CARF: variants seen among roughly 807,000 people sequenced by gnomAD.
CARF encodes the protein calcium responsive transcription factor, also known as calcium-responsive transcription factor.
In CARF, 57 loss-of-function variants were observed where a neutral mutation model predicts 82.0. That is an observed-to-expected ratio of 0.70 (90% CI 0.56 to 0.87). The LOEUF is 0.87. Ranked by LOEUF, CARF falls within the 40% of genes least tolerant of loss-of-function variation. The pLI is 0.00. For synonymous variants in CARF, 268 were observed against 290.1 expected (o/e 0.92, Z 0.77); for missense variants, 771 against 855.8 (o/e 0.90, Z 1.24).
At chr2:202,968,082 T>C (rs971157388) in intron 10 of CARF, among the ~76,000 whole-genome samples, 1 of 152,182 alleles carries the variant, frequency 6.6e-6, no homozygotes, top group Non-Finnish European at 1.5e-5. Context: ...TGAAACACTT[T>C]TAGCATCACA....
intron 3 of CARF, among the ~76,000 whole-genome samples, chr2:202,938,012 T>A (rs1268366209): frequency 2.6e-5 from 4 of 152,128 alleles, no homozygotes; most frequent in African/African-American, 7.2e-5. Context: ...TGACATGCAA[T>A]GTATAATAAT....
intron 1 of CARF, among the ~76,000 whole-genome samples, chr2:202,917,072 G>A (rs1574448498): frequency 1.3e-5 from 2 of 151,376 alleles, no homozygotes; most frequent in East Asian, 3.9e-4. Context: ...TTAGCCGGGC[G>A]TAGTGGCGGG....
At chr2:202,949,438 G>T (rs550631860) in intron 5 of CARF, among the ~76,000 whole-genome samples, 43 of 151,718 alleles carry the variant, frequency 2.8e-4, no homozygotes, top group Non-Finnish European at 5.3e-4. Context: ...CTACAGGGGT[G>T]TGCCACTGCC....
chr2:202,981,743 C>G, intron 15 of CARF, 58 bp downstream of exon 15: 6 of 1,416,256 alleles, frequency 4.2e-6, no homozygotes, highest in Non-Finnish European at 5.9e-6. Context: ...CTCCATTTAC[C>G]TCTTCTTCTC....
intron 3 of CARF, 109 bp from the exon 4 acceptor site, chr2:202,941,751 C>A: frequency 2.0e-6 from 1 of 505,270 alleles, no homozygotes; most frequent in Non-Finnish European, 3.6e-6. Flanking sequence ...TTGATTTTAC[C>A]TAAATTATAT....
At chr2:202,936,524 A>AT (rs1165546865) in intron 3 of CARF, among the ~76,000 whole-genome samples, 1 of 152,186 alleles carries the variant, frequency 6.6e-6, no homozygotes, top group Non-Finnish European at 1.5e-5. Context: ...GAATCATATA[A>AT]TATGTGACCT....
chr2:202,948,611 G>T (rs1273873913), intron 5 of CARF, among the ~76,000 whole-genome samples: 1 of 152,038 alleles, frequency 6.6e-6, no homozygotes, highest in Middle Eastern at 3.2e-3. Context: ...TCTGGCAATT[G>T]TGAATAGGAT....
At chr2:202,941,319 T>G (rs1242239001) in intron 3 of CARF, among the ~76,000 whole-genome samples, 2 of 152,024 alleles carry the variant, frequency 1.3e-5, no homozygotes, top group African/African-American at 4.8e-5. Flanking sequence ...TGGCTCGGAG[T>G]TATTGGTATA....
chr2:202,942,615 G>T, intron 4 of CARF, 125 bp from the exon 5 acceptor site: 2 of 1,006,418 alleles, frequency 2.0e-6, no homozygotes, highest in Admixed American at 3.3e-5. Flanking sequence ...AGCAATTTGT[G>T]TGAATTGACA....
chr2:202,974,999 G>T (rs1482538269), intron 13 of CARF, among the ~76,000 whole-genome samples: 1 of 152,006 alleles, frequency 6.6e-6, no homozygotes, highest in Non-Finnish European at 1.5e-5. Context: ...AGAAAAATCA[G>T]TGAATTCCCA....
At chr2:202,940,056 CAA>C (rs1388278184) in intron 3 of CARF, among the ~76,000 whole-genome samples, 8 of 151,846 alleles carry the variant, frequency 5.3e-5, no homozygotes, top group Non-Finnish European at 1.2e-4. Context: ...TGTTTTGAGA[CAA>C]AGTCTTGCTC....
At chr2:202,917,161 A>C (rs1689848962) in intron 1 of CARF, among the ~76,000 whole-genome samples, 1 of 131,450 alleles carries the variant, frequency 7.6e-6, no homozygotes, top group Admixed American at 9.0e-5. Context: ...CAGTGAGCCG[A>C]GATCCCGCCA....
At chr2:202,951,506 G>A (rs1204185394) in intron 5 of CARF, among the ~76,000 whole-genome samples, 2 of 152,088 alleles carry the variant, frequency 1.3e-5, no homozygotes, top group Non-Finnish European at 2.9e-5. Flanking sequence ...TTTATGTGGT[G>A]CTGATGGAAG....
chr2:202,917,878 GA>G lies in CARF; in HGVS notation c.-324del. The G allele has an allele frequency of 3.7e-6, 1 of 272,534 alleles. No homozygotes were observed. Among genetic ancestry groups the G allele is most frequent in the Non-Finnish European group, 7.4e-6 (1 of 136,036 alleles). 16.9% of individuals were successfully genotyped at this position (272,534 alleles called of 1,614,324 possible). On this transcript the variant is annotated splice_region_variant and 5_prime_UTR_variant, in exon 2 of 17. In the 5' UTR this introduces an upstream ATG that the reference lacks. Transcript: ENST00000438828. ...ACATTAAATACCTTCTCATTACAGAGAAAATGCTGCTGTGAAGACCCAATTA... is the reference window on the plus strand; with the variant it reads ...ACATTAAATACCTTCTCATTACAGAGAAATGCTGCTGTGAAGACCCAATTA...
chr2:202,970,115 A>T, intron 11 of CARF, 53 bp downstream of exon 11: 4 of 1,440,412 alleles, frequency 2.8e-6, no homozygotes, highest in Non-Finnish European at 3.7e-6. Context: ...CTCAATTTGC[A>T]AGAATTATTT....
In CARF at chr2:202,970,068, A is replaced by G. The variant is rs370010713; in HGVS notation, c.1097+6A>G. On this transcript the variant is annotated splice_donor_region_variant and intron_variant, in intron 11 of 16. Coordinates refer to ENST00000438828, the MANE Select transcript of CARF (RefSeq NM_024744.17). ...GATGCTGGTGGTGTTCTTAGGTATG[A>G]CATTTTTATAGTTCTTTTATTTTAC... is the stretch of plus-strand genomic sequence containing the variant. 4 of 1,551,520 alleles carry G rather than the reference A, an allele frequency of 2.6e-6. No homozygotes were observed. The highest frequency in any genetic ancestry group is 3.4e-6 in the Non-Finnish European group (4 of 1,160,474).
At position 202,982,419 on chromosome 2, in the gene CARF, T is replaced by C. The variant is rs1268016484; in HGVS notation, c.2037T>C (p.Ile679=). 2 of 1,613,914 alleles carry C rather than the reference T, an allele frequency of 1.2e-6. No individual in the cohort carries two copies. The highest frequency in any genetic ancestry group is 1.6e-4 in the Middle Eastern group (1 of 6,084). The part of the protein sequence containing the change: ...LGDVQTIPIQ[I]IDNHSALIEE... ...ATGTGCAGACTATTCCAATACAGAT[T>C]ATAGACAACCACTCAGCTCTTAGTA... The change falls in exon 16 of 17, where the codon ATT becomes ATC. Residue 679 remains isoleucine (I), a synonymous_variant. Transcript: ENST00000438828.
chr2:202,979,921 T>A (rs1395439594), intron 14 of CARF, among the ~76,000 whole-genome samples: 3 of 152,326 alleles, frequency 2.0e-5, no homozygotes, highest in East Asian at 3.9e-4. Flanking sequence ...ATCAGTCAGT[T>A]GTATTATGGA....
At chr2:202,914,243 AAAT>A (rs1411418771) in intron 1 of CARF, among the ~76,000 whole-genome samples, 1 of 152,162 alleles carries the variant, frequency 6.6e-6, no homozygotes, top group Admixed American at 6.6e-5. Context: ...ACAGTTTGGA[AAAT>A]ACATTTCTCT....
Sources: allele counts gnomAD v4.1 joint callset (sites outside exome capture counted in the v4.1 genomes callset), GRCh38; gene constraint gnomAD v4.1.1; transcripts MANE v1.5; gene names NCBI Gene and HGNC (gene_info 2026-07-23, HGNC 2026-07-21).